CSTL1: variants seen among roughly 807,000 people sequenced by gnomAD.
The protein encoded by CSTL1 is cystatin like 1.
CSTL1 carries 14 observed loss-of-function variants against 14.4 expected under a neutral mutation model. The observed-to-expected ratio is 0.97, with a 90% CI of 0.64 to 1.52. CSTL1 has a LOEUF of 1.52. Among genes scored for constraint, CSTL1 ranks in the 40% most tolerant of loss-of-function variants. The pLI, the probability that CSTL1 is intolerant of heterozygous loss-of-function variation, is 0.00. For missense variants in CSTL1, 170 were observed against 168.7 expected (o/e 1.01, Z -0.04); for synonymous variants, 72 against 67.5 (o/e 1.07, Z -0.33).
chr20:23,440,654 C>A, intron 2 of CSTL1, 168 bp downstream of exon 2: 1 of 711,712 alleles, frequency 1.4e-6, no homozygotes, highest in Non-Finnish European at 2.6e-6. Flanking sequence ...GTTCAGATCC[C>A]AGAATGTCCT....
the CSTL1 span, among the ~76,000 whole-genome samples, chr20:23,451,657 C>T: frequency 1.3e-5 from 2 of 152,188 alleles, no homozygotes; most frequent in Admixed American, 6.5e-5. Context: ...GCTGTCTCCA[C>T]CTTTGCTTTC....
downstream of CSTL1, among the ~76,000 whole-genome samples, chr20:23,449,579 A>G (rs904583240): frequency 6.6e-6 from 1 of 152,152 alleles, no homozygotes; most frequent in African/African-American, 2.4e-5. Context: ...GCCTCCCTGC[A>G]ACCACATGGA....
downstream of CSTL1, among the ~76,000 whole-genome samples, chr20:23,448,414 G>A (rs1030332867): frequency 6.6e-6 from 1 of 152,210 alleles, no homozygotes; most frequent in Non-Finnish European, 1.5e-5. Context: ...GAGCAGTGCT[G>A]TGTCTTGAGC....
the CSTL1 span, chr20:23,450,307 AC>A: frequency 1.6e-5 from 7 of 442,380 alleles, no homozygotes; most frequent in Admixed American, 1.5e-4. Flanking sequence ...CCTCATTTGG[AC>A]CCCCAAACTG....
intron 2 of CSTL1, among the ~76,000 whole-genome samples, chr20:23,441,501 C>A (rs557780298): frequency 1.3e-5 from 2 of 152,282 alleles, no homozygotes; most frequent in East Asian, 3.9e-4. Flanking sequence ...CCTCAGGATG[C>A]CCACATCCAT....
chr20:23,440,242 G>T lies in CSTL1; in HGVS notation c.-26G>T. On this transcript the variant is annotated 5_prime_UTR_variant, in exon 2 of 4. The change creates a premature stop within an existing upstream ORF in the 5' untranslated region. Transcript: ENST00000347397. ...CACCACACCCTGGAAGGTGCAGTTG[G>T]GAAGAAAGTTTCTGAGGCTGTAGAC... The T allele has an allele frequency of 6.2e-7, 1 of 1,612,456 alleles. No individual in the cohort carries two copies. Among genetic ancestry groups the T allele is most frequent in the Non-Finnish European group, 8.5e-7 (1 of 1,179,340 alleles).
At chr20:23,447,706 C>T (rs1377708982), downstream of CSTL1, among the ~76,000 whole-genome samples, 1 of 152,134 alleles carries the variant, frequency 6.6e-6, no homozygotes, top group East Asian at 1.9e-4. Context: ...GGCGATCCAC[C>T]CGCCTCGGCC....
downstream of CSTL1, among the ~76,000 whole-genome samples, chr20:23,447,833 A>G (rs1256391568): frequency 6.6e-6 from 1 of 152,182 alleles, no homozygotes; most frequent in Non-Finnish European, 1.5e-5. Context: ...TTTAGCCTTT[A>G]GCTATTTTTT....
At chr20:23,443,766 C>T (rs1311641531) in intron 2 of CSTL1, among the ~76,000 whole-genome samples, 168 bp from the exon 3 acceptor site, 1 of 152,164 alleles carries the variant, frequency 6.6e-6, no homozygotes, top group Non-Finnish European at 1.5e-5. Context: ...TGCCATTGCC[C>T]TCCCTCCAGC....
chr20:23,452,565 C>T, the CSTL1 span: 119 of 1,513,824 alleles, frequency 7.9e-5, no homozygotes, highest in South Asian at 2.5e-4. Flanking sequence ...TGGGGAGAGG[C>T]GGGAAGTCAT....
chr20:23,440,556 G>C, intron 2 of CSTL1, 70 bp downstream of exon 2: 2 of 1,209,724 alleles, frequency 1.7e-6, no homozygotes, highest in South Asian at 1.2e-5. Context: ...GAGGATTCTG[G>C]GGTAGCTCCC....
downstream of CSTL1, chr20:23,444,961 G>A: frequency 2.4e-5 from 21 of 866,276 alleles, no homozygotes; most frequent in Non-Finnish European, 3.3e-5. Flanking sequence ...TATTACACAT[G>A]CACACACACA....
At chr20:23,452,744 G>A in the CSTL1 span, 12 of 1,614,170 alleles carry the variant, frequency 7.4e-6, no homozygotes, top group East Asian at 6.7e-5. Flanking sequence ...TGCTTGGTAG[G>A]GGAGGGCCAT....
At chr20:23,443,107 A>G (rs896859886) in intron 2 of CSTL1, among the ~76,000 whole-genome samples, 3 of 152,002 alleles carry the variant, frequency 2.0e-5, no homozygotes, top group Non-Finnish European at 2.9e-5. Flanking sequence ...ATTTCTGTAC[A>G]CGCTAGGAGG....
chr20:23,451,975 G>A, the CSTL1 span: 32 of 1,392,568 alleles, frequency 2.3e-5, no homozygotes, highest in African/African-American at 5.8e-5. Flanking sequence ...CCCTGTCTGC[G>A]GTTTCTGTGC....
At chr20:23,457,997 G>C in the CSTL1 span, among the ~76,000 whole-genome samples, 1 of 152,082 alleles carries the variant, frequency 6.6e-6, no homozygotes, top group African/African-American at 2.4e-5. Context: ...TCATGTCTCA[G>C]TTCCACACTC....
chr20:23,441,704 C>T (rs1288023440), intron 2 of CSTL1, among the ~76,000 whole-genome samples: 2 of 152,112 alleles, frequency 1.3e-5, no homozygotes, highest in Non-Finnish European at 2.9e-5. Context: ...GGCAACCATA[C>T]ATTTTTTTTT....
chr20:23,454,323 CACAG>C, the CSTL1 span, among the ~76,000 whole-genome samples: 6 of 151,406 alleles, frequency 4.0e-5, no homozygotes, highest in East Asian at 1.9e-4. Context: ...CACTGAAACA[CACAG>C]ACACACAACA....
chr20:23,456,735 G>A, the CSTL1 span, among the ~76,000 whole-genome samples: 4 of 152,164 alleles, frequency 2.6e-5, no homozygotes, highest in East Asian at 1.9e-4. Context: ...TGGCAGGGTC[G>A]CATTCCCTCT....
Sources: allele counts gnomAD v4.1 joint callset (sites outside exome capture counted in the v4.1 genomes callset), GRCh38; gene constraint gnomAD v4.1.1; transcripts MANE v1.5; gene names NCBI Gene and HGNC (gene_info 2026-07-23, HGNC 2026-07-21).